Variants in LDHAL6A observed in about 807,000 individuals in gnomAD.
The protein encoded by LDHAL6A is lactate dehydrogenase A like 6A.
In LDHAL6A, 19 loss-of-function variants were observed where a neutral mutation model predicts 28.2. The observed-to-expected ratio is 0.67, with a 90% confidence interval of 0.47 to 0.99. LDHAL6A has a LOEUF of 0.99. LDHAL6A is among the 50% of genes least tolerant of loss of function. The probability of loss-of-function intolerance (pLI) is 0.00; values close to 1 mark genes in which losing one functional copy is unlikely to be tolerated. For missense variants in LDHAL6A, 372 were observed against 398.6 expected (o/e 0.93, Z 0.57); for synonymous variants, 144 against 134.4 (o/e 1.07, Z -0.49).
intron 3 of LDHAL6A, chr11:18,468,996 A>T: frequency 7.6e-6 from 3 of 396,528 alleles, no homozygotes; most frequent in Non-Finnish European, 1.3e-5. Context: ...CGGCGCTACA[A>T]GGAAGCACAC....
rs67628824 is a variant in LDHAL6A at position 18,464,977 on chromosome 11, G to GTTTTTTTTTTTTTTTT, written c.245-651_245-650insTTTTTTTTTTTTTTTT. Among the ~76,000 whole-genome samples, 401 of 125,352 alleles carry GTTTTTTTTTTTTTTTT rather than the reference G, an allele frequency of 3.2e-3. 46 individuals carry two copies. The highest frequency in any genetic ancestry group is 4.4e-3 in the Non-Finnish European group (264 of 60,572). 82.2% of individuals were successfully genotyped at this position (125,352 alleles called of 152,430 possible). ...TTTTAGGAGGTGAGGTGTTTTTTTT[G>GTTTTTTTTTTTTTTTT]TTTTTTTTTGTTTTGTTTTGTTTTG... On this transcript the variant is annotated intron_variant, in intron 2 of 6. Coordinates refer to ENST00000280706, the MANE Select transcript of LDHAL6A (RefSeq NM_144972.5).
intron 3 of LDHAL6A, among the ~76,000 whole-genome samples, chr11:18,466,260 T>C (rs1014528177): frequency 1.4e-5 from 2 of 146,160 alleles, no homozygotes; most frequent in Admixed American, 7.1e-5. Context: ...GAATATTAAA[T>C]CGTAAACCAC....
rs145658780 is a variant in LDHAL6A, at chr11:18,476,373, C to G, written c.593-11C>G. 3.7e-6 allele frequency: 6 copies of G among 1,608,826 alleles called. No individual in the cohort carries two copies. In the African/African-American group the frequency reaches 5.4e-5, roughly 14 times the overall value. On this transcript the variant is annotated splice_polypyrimidine_tract_variant and intron_variant, in intron 4 of 6. Coordinates refer to ENST00000280706, the MANE Select transcript of LDHAL6A (RefSeq NM_144972.5). ...ATGTAAGAAGTGGGATTTTGGGTGT[C>G]TCTTTCTTAGTTCCTGTGTGGAGTG... is the stretch of plus-strand genomic sequence containing the variant.
At chr11:18,464,131 C>T (rs1003023430) in intron 2 of LDHAL6A, 53 bp downstream of exon 2, 8 of 1,215,700 alleles carry the variant, frequency 6.6e-6, no homozygotes, top group Non-Finnish European at 9.7e-6. Context: ...GAACAAGTAT[C>T]TAAGAAAATC....
chr11:18,475,532 G>A lies in LDHAL6A; in HGVS notation c.485G>A (p.Gly162Asp). ...CCCAAAAACCGTGTTATTGGAAGTG[G>A]TTGTAATCTGGACTCTGCTCGTTTT... Reference protein sequence around the residue: ...GFPKNRVIGSGCNLDSARFRY... With the variant: ...GFPKNRVIGSDCNLDSARFRY... The change falls in exon 4 of 7, where the codon GGT becomes GAT. Residue 162 changes from glycine (G) to aspartate (D), a missense_variant. By Grantham distance (94) the Gly-to-Asp change is moderately conservative. This residue lies in a region of LDHAL6A where 291 missense variants were observed against 302.9 expected (regional missense o/e 0.96). Coordinates refer to ENST00000280706, the MANE Select transcript of LDHAL6A (RefSeq NM_144972.5). 1 of 1,614,060 alleles carries A rather than the reference G, an allele frequency of 6.2e-7. No homozygotes were observed. Among genetic ancestry groups the A allele is most frequent in the South Asian group, 1.1e-5 (1 of 91,086 alleles).
intron 2 of LDHAL6A, among the ~76,000 whole-genome samples, chr11:18,464,997 GTTTT>G (rs1565068810): frequency 8.1e-6 from 1 of 122,880 alleles, no homozygotes; most frequent in African/African-American, 3.2e-5. Flanking sequence ...GTTTTGTTTT[GTTTT>G]GGTTTGTTTT....
chr11:18,464,977 G>GTTTTT lies in LDHAL6A; in HGVS notation c.245-655_245-651dup, dbSNP rs67628824. On this transcript the variant is annotated intron_variant, in intron 2 of 6. Coordinates refer to ENST00000280706, the MANE Select transcript of LDHAL6A (RefSeq NM_144972.5). ...TTTTAGGAGGTGAGGTGTTTTTTTT[G>GTTTTT]TTTTTTTTTGTTTTGTTTTGTTTTG... is the stretch of plus-strand genomic sequence containing the variant. Among the ~76,000 whole-genome samples the GTTTTT allele has an allele frequency of 3.7e-4, 46 of 125,542 alleles. 2 individuals carry two copies. The highest frequency in any genetic ancestry group is 4.4e-4 in the Non-Finnish European group (27 of 60,678). The allele number at this position is 125,542 out of a possible 152,430, so 82.4% of individuals were successfully genotyped here.
chr11:18,472,266 T>G (rs1849273122), intron 3 of LDHAL6A, among the ~76,000 whole-genome samples: 7 of 152,174 alleles, frequency 4.6e-5, no homozygotes, highest in Admixed American at 4.6e-4. Flanking sequence ...GCTTTATGTA[T>G]GAGGAAACTT....
At chr11:18,464,987 G>GTTTTT (rs1449560278) in intron 2 of LDHAL6A, among the ~76,000 whole-genome samples, 7 of 104,344 alleles carry the variant, frequency 6.7e-5, no homozygotes, top group East Asian at 2.6e-4. Context: ...GTTTTTTTTT[G>GTTTTT]TTTTGTTTTG....
rs1565071278 is a variant in LDHAL6A, at chr11:18,467,956, CGTATAT to C, written c.418+2147_418+2152del. Among the ~76,000 whole-genome samples the C allele has an allele frequency of 2.6e-3, 49 of 19,022 alleles. 1 individual carries two copies. The highest frequency in any genetic ancestry group is 4.2e-3 in the South Asian group (2 of 472). 12.5% of individuals were successfully genotyped at this position (19,022 alleles called of 152,430 possible). On this transcript the variant is annotated intron_variant, in intron 3 of 6. Coordinates refer to ENST00000280706, the MANE Select transcript of LDHAL6A (RefSeq NM_144972.5). Reference sequence around the variant, plus strand: ...ATATATACACACACATATATATATACGTATATATATACGTATATATATACGTATATA... The same window carrying C: ...ATATATACACACACATATATATATACATATACGTATATATATACGTATATA...
chr11:18,457,932 A>G (rs1426687910), intron 1 of LDHAL6A, among the ~76,000 whole-genome samples: 1 of 152,222 alleles, frequency 6.6e-6, no homozygotes, highest in Admixed American at 6.5e-5. Flanking sequence ...CCTACTTTTT[A>G]GAGGAGAAAA....
chr11:18,473,269 G>A (rs1849292722), intron 3 of LDHAL6A, among the ~76,000 whole-genome samples: 1 of 152,176 alleles, frequency 6.6e-6, no homozygotes, highest in African/African-American at 2.4e-5. Context: ...TGCTCCTATA[G>A]TAGCTCCTCA....
chr11:18,469,913 T>C (rs992513634), intron 3 of LDHAL6A, among the ~76,000 whole-genome samples: 25 of 152,300 alleles, frequency 1.6e-4, no homozygotes, highest in African/African-American at 5.1e-4. Context: ...GAAAGATTTT[T>C]TCCCCCCCGA....
At chr11:18,464,977 G>GTTTTTTTTGTTT (rs1849016188) in intron 2 of LDHAL6A, among the ~76,000 whole-genome samples, 26 of 125,550 alleles carry the variant, frequency 2.1e-4, no homozygotes, top group African/African-American at 6.0e-4. Context: ...TGTTTTTTTT[G>GTTTTTTTTGTTT]TTTTTTTTTG....
chr11:18,467,065 C>T (rs1026234734), intron 3 of LDHAL6A, among the ~76,000 whole-genome samples: 1 of 152,054 alleles, frequency 6.6e-6, no homozygotes, highest in African/African-American at 2.4e-5. Context: ...AATCAAGATA[C>T]CTGAAATGAT....
Position 18,478,925 on chromosome 11 carries a change from T to C in LDHAL6A, c.*55T>C. ...AGATGAAATAGTAGTTATGGAATTG[T>C]ATATGTCAAACTTTTGAATAAATTT... On this transcript the variant is annotated 3_prime_UTR_variant, in exon 7 of 7. Transcript: ENST00000280706. 1 of 1,397,270 alleles carries C rather than the reference T, an allele frequency of 7.2e-7. No individual in the cohort carries two copies. The highest frequency in any genetic ancestry group is 9.8e-7 in the Non-Finnish European group (1 of 1,017,406). 86.6% of individuals were successfully genotyped at this position (1,397,270 alleles called of 1,614,324 possible). A position where few individuals can be genotyped will look rare whatever the true frequency, so the allele number is the denominator to read the frequency against.
chr11:18,478,958 T>TA lies in LDHAL6A; in HGVS notation c.*92dup. ...AAACTTTTGAATAAATTTGAATTTC[T>TA]AAAAGTTGGAAAAATAGAGGAAAGA... On this transcript the variant is annotated 3_prime_UTR_variant, in exon 7 of 7. Coordinates refer to ENST00000280706, the MANE Select transcript of LDHAL6A (RefSeq NM_144972.5). 1 of 1,189,908 alleles carries TA rather than the reference T, an allele frequency of 8.4e-7. No homozygotes were observed. The highest frequency in any genetic ancestry group is 1.2e-6 in the Non-Finnish European group (1 of 848,402). 73.7% of individuals were successfully genotyped at this position (1,189,908 alleles called of 1,614,324 possible). A position where few individuals can be genotyped will look rare whatever the true frequency, so the allele number is the denominator to read the frequency against.
At position 18,467,390 on chromosome 11, in the gene LDHAL6A, C is replaced by G. The variant is rs1260503066; in HGVS notation, c.418+1580C>G. Among the ~76,000 whole-genome samples the G allele has an allele frequency of 2.0e-5, 3 of 152,214 alleles. No individual in the cohort carries two copies. In the East Asian group the frequency reaches 5.8e-4, roughly 29 times the overall value. ...ATCCTTTTATAGGTAACCATTTACA[C>G]TTTTTATGGTTTACAGCTTTTTGTT... On this transcript the variant is annotated intron_variant, in intron 3 of 6. Transcript: ENST00000280706.
At chr11:18,478,378 A>C (rs966582696) in intron 6 of LDHAL6A, among the ~76,000 whole-genome samples, 5 of 152,070 alleles carry the variant, frequency 3.3e-5, no homozygotes, top group African/African-American at 9.7e-5. Flanking sequence ...CTGAACAATA[A>C]ATATGTCTAA....
Sources: gnomAD v4.1 joint callset for allele counts (sites outside exome capture counted in the v4.1 genomes callset) on GRCh38, gnomAD v4.1.1 for gene constraint, gnomAD v4.1.1 regional missense constraint, MANE v1.5 for transcripts, NCBI Gene and HGNC (gene_info 2026-07-23, HGNC 2026-07-21) for gene names.